CABIN1: variants seen among roughly 807,000 people sequenced by gnomAD.
CABIN1 encodes the protein calcineurin binding protein 1, also known as calcineurin-binding protein cabin-1.
CABIN1 carries 133 observed loss-of-function variants against 227.7 expected under a neutral mutation model. The observed-to-expected ratio is 0.58, with a 90% CI of 0.51 to 0.67. The LOEUF (loss-of-function observed/expected upper bound fraction) is 0.67. Among genes scored for constraint, CABIN1 ranks in the 30% least tolerant of loss-of-function variants. The pLI is 0.00. For synonymous variants in CABIN1, 1,086 were observed against 1,155.1 expected (o/e 0.94, Z 1.21); for missense variants, 2,408 against 2,852.5 (o/e 0.84, Z 3.55).
intron 1 of CABIN1, among the ~76,000 whole-genome samples, chr22:24,015,149 C>G (rs2035153360): frequency 6.6e-6 from 1 of 151,026 alleles, no homozygotes; most frequent in Non-Finnish European, 1.5e-5. Flanking sequence ...ACCTGTAATC[C>G]CAGCCACTTG....
intron 29 of CABIN1, among the ~76,000 whole-genome samples, chr22:24,143,362 C>T (rs959266593): frequency 6.6e-6 from 1 of 152,156 alleles, no homozygotes; most frequent in African/African-American, 2.4e-5. Flanking sequence ...GGCTGGGATT[C>T]CAGACTGAGA....
intron 28 of CABIN1, among the ~76,000 whole-genome samples, chr22:24,121,507 T>A (rs2043408925): frequency 6.6e-6 from 1 of 152,232 alleles, no homozygotes; most frequent in East Asian, 1.9e-4. Flanking sequence ...GGAGCCTGGC[T>A]TGCTCACTGC....
At position 24,070,847 on chromosome 22, in the gene CABIN1, C is replaced by T. The variant is rs141185155; in HGVS notation, c.2280C>T (p.Ser760=). 44 of 1,614,118 alleles carry T rather than the reference C, an allele frequency of 2.7e-5. No individual in the cohort carries two copies. Among genetic ancestry groups the T allele is most frequent in the East Asian group, 6.7e-5 (3 of 44,896 alleles). ...ACTATCGGCAGTGTTTTGAGTGTTC[C>T]GATGTGGCTCTGAACGAGGCTGTCC... ...LKDYRQCFEC[S]DVALNEAVQQ... is the part of the protein sequence containing the mutation. Residue 760 remains serine, a synonymous_variant, in exon 17 of 37, where the codon TCC becomes TCT. Coordinates refer to ENST00000263119, the MANE Select transcript of CABIN1 (RefSeq NM_012295.4).
chr22:24,049,873 C>T, intron 7 of CABIN1, among the ~76,000 whole-genome samples: 1 of 152,120 alleles, frequency 6.6e-6, no homozygotes, highest in Non-Finnish European at 1.5e-5. Flanking sequence ...CCTCCTTTGC[C>T]AGGTGTCTTC....
At chr22:24,119,948 G>C (rs1413946261) in intron 28 of CABIN1, among the ~76,000 whole-genome samples, 1 of 152,206 alleles carries the variant, frequency 6.6e-6, no homozygotes, top group Non-Finnish European at 1.5e-5. Context: ...CAGTCTCAGG[G>C]ATAGGCTATG....
chr22:24,115,083 C>T (rs762040751), intron 27 of CABIN1, among the ~76,000 whole-genome samples: 6 of 152,226 alleles, frequency 3.9e-5, no homozygotes, highest in Admixed American at 3.3e-4. Context: ...GTAACTTACA[C>T]TCTTAACACT....
chr22:24,034,448 G>C (rs898571906), intron 1 of CABIN1, among the ~76,000 whole-genome samples: 1 of 152,128 alleles, frequency 6.6e-6, no homozygotes, highest in African/African-American at 2.4e-5. Context: ...TCCTTTTTAT[G>C]ATTGAATAAT....
Position 24,167,889 on chromosome 22 carries a change from C to T in CABIN1, c.5683-558C>T, listed in dbSNP as rs182258896. 2.0e-5 allele frequency among the ~76,000 whole-genome samples: 3 copies of T among 152,282 alleles called. No homozygotes were observed. In the East Asian group the frequency reaches 5.8e-4, roughly 29 times the overall value. On this transcript the variant is annotated intron_variant, in intron 32 of 36. Transcript: ENST00000263119. ...CTTGGGCACTGAATCCCTAGACACA[C>T]TTGACACAGCATGGGGCTATCACCA...
chr22:24,015,819 A>G (rs1032093449), intron 1 of CABIN1, among the ~76,000 whole-genome samples: 2 of 151,722 alleles, frequency 1.3e-5, no homozygotes, highest in Admixed American at 6.6e-5. Flanking sequence ...TTAGCTGGGC[A>G]TGGTGGTGCA....
At chr22:24,038,097 T>G (rs1247392518) in intron 3 of CABIN1, among the ~76,000 whole-genome samples, 1 of 152,188 alleles carries the variant, frequency 6.6e-6, no homozygotes, top group East Asian at 1.9e-4. Flanking sequence ...AGCAGCTTTC[T>G]GAACCCTGCC....
chr22:24,098,231 C>T, intron 26 of CABIN1, 39 bp downstream of exon 26: 3 of 1,613,368 alleles, frequency 1.9e-6, no homozygotes, highest in South Asian at 1.1e-5. Context: ...CCCAGGGCGG[C>T]ACATCAATCA....
chr22:24,112,802 C>A (rs990423777), intron 26 of CABIN1, among the ~76,000 whole-genome samples: 1 of 152,184 alleles, frequency 6.6e-6, no homozygotes. Context: ...GGGTCTTCAC[C>A]TGTACCCTGA....
At chr22:24,168,595 G>T in intron 33 of CABIN1, 74 bp downstream of exon 33, 1 of 1,184,418 alleles carries the variant, frequency 8.4e-7, no homozygotes, top group South Asian at 1.3e-5. Context: ...GATGCAGGCT[G>T]AGAAGCAGAT....
rs2040046385 is a variant in CABIN1 at position 24,071,001 on chromosome 22, T to A, written c.2434T>A (p.Ser812Thr). Reference protein sequence around the residue: ...SSGSILKVSSSTTGLVRLTNN... With the variant: ...SSGSILKVSSTTTGLVRLTNN... Reference sequence around the variant, plus strand: ...TGGTAGCATCCTGAAGGTATCATCCTCCACCACTGGCCTTGTGCGGCTCAC... The same window carrying A: ...TGGTAGCATCCTGAAGGTATCATCCACCACCACTGGCCTTGTGCGGCTCAC... The change falls in exon 17 of 37, where the codon TCC becomes ACC. Residue 812 changes from serine to threonine, a missense_variant. Physicochemically the swap from Ser to Thr is moderately conservative, Grantham distance 58. Coordinates refer to ENST00000263119, the MANE Select transcript of CABIN1 (RefSeq NM_012295.4). The A allele has an allele frequency of 6.2e-7, 1 of 1,614,226 alleles. No individual in the cohort carries two copies. The highest frequency in any genetic ancestry group is 1.3e-5 in the African/African-American group (1 of 75,060).
chr22:24,059,402 C>A (rs1361486925), intron 11 of CABIN1, 39 bp downstream of exon 11: 2 of 1,609,622 alleles, frequency 1.2e-6, no homozygotes, highest in Non-Finnish European at 8.5e-7. Context: ...TTTGGGAATT[C>A]TTCTTCCCAC....
chr22:24,080,535 C>T (rs2040740397), intron 19 of CABIN1, among the ~76,000 whole-genome samples: 1 of 152,148 alleles, frequency 6.6e-6, no homozygotes, highest in Non-Finnish European at 1.5e-5. Flanking sequence ...TGTGGTATAT[C>T]TCTCTGTTTA....
At chr22:24,023,126 ACCTTGTATATC>A (rs2035840951) in intron 1 of CABIN1, among the ~76,000 whole-genome samples, 1 of 152,200 alleles carries the variant, frequency 6.6e-6, no homozygotes, top group African/African-American at 2.4e-5. Context: ...GTCTCTAGGT[ACCTTGTATATC>A]AAACAATATT....
intron 34 of CABIN1, among the ~76,000 whole-genome samples, chr22:24,172,732 G>T (rs569494826): frequency 6.6e-6 from 1 of 152,210 alleles, no homozygotes; most frequent in Non-Finnish European, 1.5e-5. Flanking sequence ...TAGAGGCAGC[G>T]CTGCTACAGC....
At chr22:24,046,966 A>G (rs1414908256) in intron 6 of CABIN1, among the ~76,000 whole-genome samples, 1 of 152,166 alleles carries the variant, frequency 6.6e-6, no homozygotes. Context: ...GGGGAAGGTC[A>G]GCCTTTTTGT....
Sources: allele counts gnomAD v4.1 joint callset (sites outside exome capture counted in the v4.1 genomes callset), GRCh38; gene constraint gnomAD v4.1.1; transcripts MANE v1.5; gene names NCBI Gene and HGNC (gene_info 2026-07-23, HGNC 2026-07-21).